The following VPS26C variants were observed in gnomAD, a reference collection of about 807,000 sequenced individuals.
The protein encoded by VPS26C is VPS26 endosomal protein sorting factor C.
A neutral mutation model predicts 30.6 loss-of-function variants in VPS26C; 19 were observed. The ratio of observed to expected loss-of-function variants is 0.62; its 90% CI spans 0.43 to 0.91. The LOEUF (loss-of-function observed/expected upper bound fraction) is 0.91, where lower values mean the gene tolerates loss of function less well. Ranked by LOEUF, VPS26C falls within the 40% of genes least tolerant of loss-of-function variation. VPS26C has a pLI of 0.00. For synonymous variants in VPS26C, 132 were observed against 151.5 expected (o/e 0.87, Z 0.95); for missense variants, 318 against 385.1 (o/e 0.83, Z 1.46).
rs1436416438 is a variant in VPS26C, at chr21:37,267,230, C to T, written c.57+8G>A. The stretch of plus-strand genomic sequence containing the variant: ...CCACCTCCATCCCCACCCCCAGCCC[C>T]CACTTACCCCGGCGTGATAAACTTT... On this transcript the variant is annotated splice_region_variant and intron_variant, in intron 1 of 7. Transcript: ENST00000309117. The T allele has an allele frequency of 6.3e-7, 1 of 1,595,112 alleles. No individual in the cohort carries two copies. Among genetic ancestry groups the T allele is most frequent in the South Asian group, 1.1e-5 (1 of 90,482 alleles).
Position 37,257,827 on chromosome 21 carries a change from C to T in VPS26C, c.57+9411G>A, listed in dbSNP as rs972765185. Reference sequence around the variant, plus strand: ...CGGCGGAAAGGAAAGTCGGCGTTAGCTGGATTGGAAACAGTCCAGACAGAA... The same window carrying T: ...CGGCGGAAAGGAAAGTCGGCGTTAGTTGGATTGGAAACAGTCCAGACAGAA... On this transcript the variant is annotated intron_variant, in intron 1 of 7. Coordinates refer to ENST00000309117, the MANE Select transcript of VPS26C (RefSeq NM_006052.2). This position sits in a 1 kb window ranked among gnomAD's most constrained non-coding sequence, Gnocchi z 4.2. 6.6e-6 allele frequency among the ~76,000 whole-genome samples: 1 copy of T among 152,300 alleles called. No individual in the cohort carries two copies. The highest frequency in any genetic ancestry group is 1.9e-4 in the East Asian group (1 of 5,174).
At chr21:37,238,370 G>A in intron 3 of VPS26C, 90 bp downstream of exon 3, 5 of 1,438,592 alleles carry the variant, frequency 3.5e-6, no homozygotes, top group Non-Finnish European at 4.7e-6. Context: ...TTAAATTCTT[G>A]GGCCCGTCTA....
In VPS26C at chr21:37,267,320, CT is replaced by C. The variant is rs1435765527; in HGVS notation, c.-27del. The C allele has an allele frequency of 6.2e-7, 1 of 1,610,106 alleles. No homozygotes were observed. The highest frequency in any genetic ancestry group is 1.7e-5 in the Admixed American group (1 of 59,984). ...CTCCAATTCTCCGCAGCAGCCGCCA[CT>C]TCCGGCTGCGCGTGACCCCAGGGAA... On this transcript the variant is annotated 5_prime_UTR_variant, in exon 1 of 8. Coordinates refer to ENST00000309117, the MANE Select transcript of VPS26C (RefSeq NM_006052.2).
At chr21:37,245,988 T>C (rs1210657183) in intron 1 of VPS26C, among the ~76,000 whole-genome samples, 1 of 151,906 alleles carries the variant, frequency 6.6e-6, no homozygotes, top group Admixed American at 6.6e-5. Flanking sequence ...AAAATCCAAA[T>C]AAATTAAATG....
At chr21:37,234,215 C>T (rs1161043188) in intron 3 of VPS26C, among the ~76,000 whole-genome samples, 7 of 152,224 alleles carry the variant, frequency 4.6e-5, no homozygotes, top group Non-Finnish European at 8.8e-5. Context: ...TCTTATTTCT[C>T]GAGACATCTG....
intron 3 of VPS26C, among the ~76,000 whole-genome samples, chr21:37,235,844 T>A (rs2086014941): frequency 1.4e-5 from 1 of 73,514 alleles, no homozygotes; most frequent in Non-Finnish European, 2.4e-5. Context: ...TGTGTGTATA[T>A]GTGTGTGTAT....
At chr21:37,260,557 G>C (rs2086293813) in intron 1 of VPS26C, among the ~76,000 whole-genome samples, 2 of 152,288 alleles carry the variant, frequency 1.3e-5, no homozygotes, top group South Asian at 4.1e-4. Flanking sequence ...TTCTACCCAA[G>C]TGGAAGGATG....
chr21:37,263,791 A>G (rs1255049480), intron 1 of VPS26C, among the ~76,000 whole-genome samples: 1 of 152,338 alleles, frequency 6.6e-6, no homozygotes, highest in Non-Finnish European at 1.5e-5. Context: ...GTCCATAGGT[A>G]AGTCAAATCT....
chr21:37,267,444 T>G, upstream of VPS26C: 3 of 612,944 alleles, frequency 4.9e-6, no homozygotes, highest in Admixed American at 3.3e-5. Context: ...ACACACTCCC[T>G]AGCTCCGAGG....
At chr21:37,230,982 C>G (rs1405084405) in intron 5 of VPS26C, among the ~76,000 whole-genome samples, 2 of 152,224 alleles carry the variant, frequency 1.3e-5, no homozygotes, top group Non-Finnish European at 1.5e-5. Flanking sequence ...ACAATGCAGA[C>G]AGCGAGCCTC....
At position 37,227,679 on chromosome 21, in the gene VPS26C, T is replaced by C. The variant is rs2085915302; in HGVS notation, c.786A>G (p.Thr262=). 1.9e-6 allele frequency: 3 copies of C among 1,614,140 alleles called. No individual in the cohort carries two copies. In the South Asian group the frequency reaches 3.3e-5, roughly 18 times the overall value. Residue 262 remains threonine (T), a synonymous_variant, in exon 7 of 8, where the codon ACA becomes ACG. Coordinates refer to ENST00000309117, the MANE Select transcript of VPS26C (RefSeq NM_006052.2). ...MVFPRLFTCP[T]LETTNFKVEF... ...CCACTTTGAAGTTGGTGGTCTCCAG[T>C]GTAGGGCAGGTGAACAGCCTAGGGA...
chr21:37,231,427 G>C (rs1010656668), intron 5 of VPS26C: 1 of 152,226 alleles, frequency 6.6e-6, no homozygotes, highest in Non-Finnish European at 1.5e-5. Flanking sequence ...CTGGGGTCGC[G>C]TGCCCTCAGA....
rs1419915117 is a variant in VPS26C at position 37,226,161 on chromosome 21, C to G, written c.812-535G>C. The G allele has an allele frequency of 6.4e-6, 1 of 157,330 alleles. No individual in the cohort carries two copies. Among genetic ancestry groups the G allele is most frequent in the African/African-American group, 2.4e-5 (1 of 41,632 alleles). 9.7% of individuals were successfully genotyped at this position (157,330 alleles called of 1,614,324 possible). A position where few individuals can be genotyped will look rare whatever the true frequency, so the allele number is the denominator to read the frequency against. On this transcript the variant is annotated intron_variant, in intron 7 of 7. Coordinates refer to ENST00000309117, the MANE Select transcript of VPS26C (RefSeq NM_006052.2). This position sits in a 1 kb window ranked among gnomAD's most constrained non-coding sequence, Gnocchi z 4.1. ...GATTCCTTCTCCACCGACTCTTCAG[C>G]TGATATGGGTGAGCCTTGTTGATCC... is the stretch of plus-strand genomic sequence containing the variant.
intron 1 of VPS26C, among the ~76,000 whole-genome samples, chr21:37,256,333 A>G (rs1324551977): frequency 6.6e-6 from 1 of 152,240 alleles, no homozygotes; most frequent in African/African-American, 2.4e-5. Context: ...GATGTGAGGA[A>G]GAGTCAGGGA....
Position 37,224,111 on chromosome 21 carries a change from A to C in VPS26C, c.*1433T>G, listed in dbSNP as rs1602257844. ...ATCAAGTCAAGGACCTTTTCCTGCT[A>C]CCACCTTGCGGAGAGGGGCCTTCAC... is the stretch of plus-strand genomic sequence containing the variant. On this transcript the variant is annotated 3_prime_UTR_variant, in exon 8 of 8. Transcript: ENST00000309117. 1 of 152,246 alleles carries C rather than the reference A, an allele frequency of 6.6e-6. No homozygotes were observed. The highest frequency in any genetic ancestry group is 1.9e-4 in the East Asian group (1 of 5,196). 9.4% of individuals were successfully genotyped at this position (152,246 alleles called of 1,614,324 possible).
chr21:37,260,353 A>G (rs2086291629), intron 1 of VPS26C, among the ~76,000 whole-genome samples: 1 of 152,176 alleles, frequency 6.6e-6, no homozygotes, highest in Non-Finnish European at 1.5e-5. Context: ...ATTCCTGATT[A>G]TCTCATATCA....
In VPS26C at chr21:37,256,650, G is replaced by C. The variant is rs1403358615; in HGVS notation, c.57+10588C>G. On this transcript the variant is annotated intron_variant, in intron 1 of 7. Transcript: ENST00000309117. ...GATTTGTTTTCTGCCAACAAGTGACGGCACAAGCTCTCTATTACAGAGAGT... is the reference window on the plus strand; with the variant it reads ...GATTTGTTTTCTGCCAACAAGTGACCGCACAAGCTCTCTATTACAGAGAGT... 2.6e-5 allele frequency among the ~76,000 whole-genome samples: 4 copies of C among 152,226 alleles called. No individual in the cohort carries two copies. In the East Asian group the frequency reaches 7.7e-4, roughly 29 times the overall value.
intron 1 of VPS26C, among the ~76,000 whole-genome samples, chr21:37,250,627 G>A (rs954353379): frequency 0.022 from 2 of 92 alleles, no homozygotes; most frequent in African/African-American, 0.036. Context: ...GAAAGGCTGG[G>A]CGCGGTGCTC....
chr21:37,232,344 A>G (rs1345795570), intron 5 of VPS26C, 33 bp downstream of exon 5: 7 of 1,597,334 alleles, frequency 4.4e-6, no homozygotes, highest in Non-Finnish European at 5.1e-6. Context: ...CTGGGAAGAT[A>G]CCCACGGCAT....
Sources: gnomAD v4.1 joint callset for allele counts (sites outside exome capture counted in the v4.1 genomes callset) on GRCh38, gnomAD v4.1.1 for gene constraint, Gnocchi (gnomAD v3.1) non-coding constraint, MANE v1.5 for transcripts, NCBI Gene and HGNC (gene_info 2026-07-23, HGNC 2026-07-21) for gene names.